Variants in KIF4A observed in about 807,000 individuals in gnomAD.
KIF4A encodes the protein chromosome-associated kinesin KIF4A.
In KIF4A, 7 loss-of-function variants were observed where a neutral mutation model predicts 105.9. The observed-to-expected ratio is 0.07, with a 90% CI of 0.04 to 0.12. The LOEUF (loss-of-function observed/expected upper bound fraction) is 0.12, where lower values mean the gene tolerates loss of function less well. Ranked by LOEUF, KIF4A falls within the 10% of genes least tolerant of loss-of-function variation. KIF4A has a pLI of 1.00. For missense variants in KIF4A, 558 were observed against 929.2 expected, an observed-to-expected ratio of 0.60 and a Z score of 5.19; for synonymous variants, 281 against 331.3, an observed-to-expected ratio of 0.85 and a Z score of 1.65.
intron 28 of KIF4A, among the ~76,000 whole-genome samples, chrX:70,413,495 G>A (rs1320435808): frequency 3.6e-5 from 4 of 110,517 alleles, no homozygotes; most frequent in African/African-American, 9.9e-5. Context: ...TTAGCCGGGC[G>A]TGATGGCGCA....
At chrX:70,301,789 T>C (rs2085805488) in intron 5 of KIF4A, 111 bp from the exon 6 acceptor site, 1 of 806,727 alleles carries the variant, frequency 1.2e-6, no homozygotes, top group African/African-American at 2.0e-5. Context: ...ACTGTTCTAT[T>C]TGAGGTTCTA....
intron 22 of KIF4A, among the ~76,000 whole-genome samples, chrX:70,400,914 C>A (rs1410961086): frequency 1.9e-5 from 2 of 107,937 alleles, no homozygotes; most frequent in African/African-American, 6.8e-5. Context: ...ATTACAGGCA[C>A]CTGCCACCAG....
At chrX:70,301,780 C>A in intron 5 of KIF4A, 120 bp from the exon 6 acceptor site, 1 of 740,359 alleles carries the variant, frequency 1.4e-6, no homozygotes, top group Non-Finnish European at 2.0e-6. Flanking sequence ...ATCACCATGA[C>A]TGTTCTATTT....
chrX:70,393,499 A>G (rs1450752788), intron 20 of KIF4A, among the ~76,000 whole-genome samples: 1 of 111,407 alleles, frequency 9.0e-6, no homozygotes, highest in Non-Finnish European at 1.9e-5. Flanking sequence ...TTTTCTGCAT[A>G]CTCGTCCTAT....
intron 16 of KIF4A, 78 bp downstream of exon 16, chrX:70,374,332 G>T (rs1363022760): frequency 3.3e-6 from 2 of 611,039 alleles, no homozygotes; most frequent in Non-Finnish European, 5.1e-6. Flanking sequence ...AGAAGTAGAA[G>T]TCCCATTTAC....
intron 7 of KIF4A, among the ~76,000 whole-genome samples, chrX:70,307,500 A>C (rs1602742063): frequency 9.0e-6 from 1 of 111,704 alleles, no homozygotes; most frequent in South Asian, 3.8e-4. Context: ...TGGTGAATAA[A>C]AGTGGTGAGA....
intron 17 of KIF4A, 27 bp from the exon 18 acceptor site, chrX:70,376,073 T>A: frequency 9.5e-7 from 1 of 1,047,737 alleles, no homozygotes; most frequent in Non-Finnish European, 1.3e-6. Flanking sequence ...AGATGACTAA[T>A]ACTTTTGCTG....
intron 18 of KIF4A, among the ~76,000 whole-genome samples, chrX:70,385,397 C>T (rs1291262299): frequency 2.7e-5 from 3 of 112,257 alleles, no homozygotes; most frequent in Non-Finnish European, 5.6e-5. Context: ...TGACTTTTCT[C>T]TTTCCACTGG....
intron 22 of KIF4A, among the ~76,000 whole-genome samples, chrX:70,401,089 T>G (rs2086280054): frequency 9.6e-6 from 1 of 103,857 alleles, no homozygotes; most frequent in Non-Finnish European, 2.0e-5. Flanking sequence ...ATTTTTTTTT[T>G]TTTTTTTTTG....
At chrX:70,350,062 G>A (rs1304357056) in intron 13 of KIF4A, among the ~76,000 whole-genome samples, 7 of 113,749 alleles carry the variant, frequency 6.2e-5, no homozygotes, top group African/African-American at 1.9e-4. Flanking sequence ...AGGCGGAGAC[G>A]CTCCTCACTT....
chrX:70,398,015 T>G (rs1341915605), intron 22 of KIF4A, among the ~76,000 whole-genome samples: 1 of 110,402 alleles, frequency 9.1e-6, no homozygotes, highest in Non-Finnish European at 1.9e-5. Context: ...AGGGCTGGGG[T>G]TTTTGTTTGT....
At chrX:70,313,172 T>G (rs1436129379) in intron 7 of KIF4A, among the ~76,000 whole-genome samples, 1 of 111,648 alleles carries the variant, frequency 9.0e-6, no homozygotes, top group African/African-American at 3.3e-5. Context: ...AGTTTATACA[T>G]TTTATACTTT....
In KIF4A at chrX:70,299,278, G is replaced by A. The variant is rs764950222; in HGVS notation, c.516+76G>A. Reference sequence around the variant, plus strand: ...ACTAAAGTTCACATCCCTTTTATCTGCCACTGTGGTTTTAAATGACTACTA... The same window carrying A: ...ACTAAAGTTCACATCCCTTTTATCTACCACTGTGGTTTTAAATGACTACTA... On this transcript the variant is annotated intron_variant, in intron 5 of 30. Coordinates refer to ENST00000374403, the MANE Select transcript of KIF4A (RefSeq NM_012310.5). 99 of 813,965 alleles carry A rather than the reference G, an allele frequency of 1.2e-4. 2 individuals are homozygous for A. In the South Asian group the frequency reaches 3.0e-3, roughly 25 times the overall value. 67.1% of individuals were successfully genotyped at this position (813,965 alleles called of 1,213,427 possible). A position where few individuals can be genotyped will look rare whatever the true frequency, so the allele number is the denominator to read the frequency against.
chrX:70,371,595 G>A (rs767339868), intron 15 of KIF4A, among the ~76,000 whole-genome samples: 17 of 106,986 alleles, frequency 1.6e-4, no homozygotes, highest in East Asian at 6.2e-4. Context: ...GCAGCTGGCC[G>A]GGCGGGGGGC....
chrX:70,295,953 GA>G (rs2085781291), intron 3 of KIF4A, among the ~76,000 whole-genome samples: 7 of 94,768 alleles, frequency 7.4e-5, no homozygotes, highest in African/African-American at 2.2e-4. Flanking sequence ...ATTTCTCAGA[GA>G]TAAACATCAA....
At chrX:70,364,451 C>G (rs1413944349) in intron 15 of KIF4A, among the ~76,000 whole-genome samples, 1 of 108,616 alleles carries the variant, frequency 9.2e-6, no homozygotes, top group Admixed American at 9.9e-5. Context: ...TTTCAGCTTT[C>G]TACATATGGC....
chrX:70,347,425 T>C (rs1180734565), intron 13 of KIF4A, among the ~76,000 whole-genome samples: 1 of 112,319 alleles, frequency 8.9e-6, no homozygotes, highest in Non-Finnish European at 1.9e-5. Flanking sequence ...ACCATAGCCC[T>C]AAGCTTAAAC....
chrX:70,296,964 A>G (rs750625357), intron 3 of KIF4A, 34 bp from the exon 4 acceptor site: 2 of 1,175,293 alleles, frequency 1.7e-6, no homozygotes, highest in Admixed American at 4.9e-5. Context: ...AAAATGTTTA[A>G]ACACCACTAT....
chrX:70,313,091 T>C (rs2085856660), intron 7 of KIF4A, among the ~76,000 whole-genome samples: 1 of 110,861 alleles, frequency 9.0e-6, no homozygotes, highest in East Asian at 2.8e-4. Flanking sequence ...CCTCATGTTC[T>C]TTTTTTTTAC....
Sources: gnomAD v4.1 joint callset for allele counts (sites outside exome capture counted in the v4.1 genomes callset) on GRCh38, gnomAD v4.1.1 for gene constraint, MANE v1.5 for transcripts, NCBI Gene and HGNC (gene_info 2026-07-23, HGNC 2026-07-21) for gene names.